PEX14: variants seen among roughly 807,000 people sequenced by gnomAD.
PEX14 encodes peroxisomal membrane protein PEX14.
A neutral mutation model predicts 49.5 loss-of-function variants in PEX14; 15 were observed. The ratio of observed to expected loss-of-function variants is 0.30; its 90% CI spans 0.20 to 0.47. PEX14 has a LOEUF of 0.47. Ranked by LOEUF, PEX14 falls within the 20% of genes least tolerant of loss-of-function variation. The probability of loss-of-function intolerance (pLI) is 1.00; values close to 1 mark genes in which losing one functional copy is unlikely to be tolerated. For synonymous variants in PEX14, 210 were observed against 212.7 expected (o/e 0.99, Z 0.11); for missense variants, 398 against 494.8 (o/e 0.80, Z 1.86).
intron 4 of PEX14, among the ~76,000 whole-genome samples, chr1:10,603,937 T>C (rs1436888025): frequency 2.0e-5 from 3 of 152,336 alleles, no homozygotes; most frequent in Middle Eastern, 3.4e-3. Flanking sequence ...ACCATTTGAT[T>C]AGAAATCCTG....
intron 3 of PEX14, among the ~76,000 whole-genome samples, chr1:10,556,103 C>T (rs758050992): frequency 2.6e-5 from 4 of 152,112 alleles, no homozygotes; most frequent in Non-Finnish European, 4.4e-5. Context: ...CTGCAGGCAC[C>T]GTCTGCCAGT....
At chr1:10,517,735 C>G (rs1641996709) in intron 2 of PEX14, among the ~76,000 whole-genome samples, 1 of 147,620 alleles carries the variant, frequency 6.8e-6, no homozygotes, top group South Asian at 2.1e-4. Context: ...GACCGAGAGG[C>G]TAGCATTGTC....
intron 1 of PEX14, among the ~76,000 whole-genome samples, chr1:10,489,574 GCTT>G (rs1480953392): frequency 1.3e-5 from 2 of 152,216 alleles, no homozygotes; most frequent in Non-Finnish European, 2.9e-5. Flanking sequence ...TCAGCTCCTA[GCTT>G]CTTCTTCACT....
intron 3 of PEX14, among the ~76,000 whole-genome samples, chr1:10,554,526 T>G (rs1032285848): frequency 9.9e-5 from 15 of 152,152 alleles, no homozygotes; most frequent in African/African-American, 3.6e-4. Flanking sequence ...CTTCTGCTCC[T>G]CTGCCGGTTC....
Position 10,629,502 on chromosome 1 carries a change from C to G in PEX14, c.678-29C>G. 6.5e-7 allele frequency: 1 copy of G among 1,545,278 alleles called. No homozygotes were observed. Among genetic ancestry groups the G allele is most frequent in the Non-Finnish European group, 8.9e-7 (1 of 1,119,948 alleles). On this transcript the variant is annotated intron_variant, in intron 8 of 8. Transcript: ENST00000356607. This position sits in a 1 kb window ranked among gnomAD's most constrained non-coding sequence, Gnocchi z 8.5. Reference sequence around the variant, plus strand: ...AAGGGGGGCGTCCTGAATGCCGCCACCAACCTCCTCCCCTTCTTCTCCCTC... The same window carrying G: ...AAGGGGGGCGTCCTGAATGCCGCCAGCAACCTCCTCCCCTTCTTCTCCCTC...
At chr1:10,612,920 A>G (rs1027361523) in intron 4 of PEX14, among the ~76,000 whole-genome samples, 8 of 152,192 alleles carry the variant, frequency 5.3e-5, no homozygotes, top group Non-Finnish European at 1.2e-4. Flanking sequence ...GGCGACCTCA[A>G]TGGGCTGGCC....
At chr1:10,569,875 C>T (rs7551790) in intron 3 of PEX14, among the ~76,000 whole-genome samples, 7,197 of 152,050 alleles carry the variant, frequency 0.047, 383 homozygotes, top group African/African-American at 0.12. Context: ...AAAGCTTTAC[C>T]GCTTGTCTTT....
intron 7 of PEX14, among the ~76,000 whole-genome samples, 158 bp from the exon 8 acceptor site, chr1:10,627,114 C>T (rs544410915): frequency 8.9e-4 from 136 of 152,336 alleles, no homozygotes; most frequent in Non-Finnish European, 1.6e-3. Context: ...CATCCAGAGA[C>T]GTGGCAGGCA....
intron 2 of PEX14, among the ~76,000 whole-genome samples, chr1:10,528,871 C>T (rs144746525): frequency 6.9e-4 from 105 of 152,266 alleles, no homozygotes; most frequent in African/African-American, 2.3e-3. Context: ...GCAGCCAGCT[C>T]GTTTGCCTTC....
chr1:10,594,121 T>C lies in PEX14; in HGVS notation c.170-5117T>C, dbSNP rs564750311. Among the ~76,000 whole-genome samples the C allele has an allele frequency of 2.5e-3, 379 of 152,326 alleles. 1 individual carries two copies. Among genetic ancestry groups the C allele is most frequent in the African/African-American group, 8.6e-3 (357 of 41,574 alleles). On this transcript the variant is annotated intron_variant, in intron 3 of 8. Transcript: ENST00000356607. ...GGGTCTCCAGGTCATCCTACGACTT[T>C]TAGAGGCTCTGAGAGTCCTTATTGT...
chr1:10,506,313 G>T (rs1389102558), intron 2 of PEX14, among the ~76,000 whole-genome samples: 1 of 152,066 alleles, frequency 6.6e-6, no homozygotes, highest in Admixed American at 6.5e-5. Flanking sequence ...TTTCGCTCTT[G>T]TTGCTGCCCA....
intron 3 of PEX14, among the ~76,000 whole-genome samples, chr1:10,537,072 C>A (rs537416779): frequency 3.3e-5 from 5 of 152,252 alleles, no homozygotes; most frequent in African/African-American, 1.2e-4. Flanking sequence ...CCTTGAAATT[C>A]TGAGTTTTGA....
intron 2 of PEX14, among the ~76,000 whole-genome samples, chr1:10,505,619 C>A (rs1641768399): frequency 1.3e-5 from 2 of 151,898 alleles, no homozygotes; most frequent in African/African-American, 2.4e-5. Flanking sequence ...CTCAAGTGAA[C>A]CTTCTCTTTA....
intron 4 of PEX14, among the ~76,000 whole-genome samples, chr1:10,606,519 G>T (rs941467114): frequency 3.4e-5 from 5 of 147,024 alleles, no homozygotes; most frequent in Admixed American, 6.7e-5. Context: ...ATAAATACTG[G>T]GTTTAGGATA....
rs1438903492 is a variant in PEX14 at position 10,529,926 on chromosome 1, C to T, written c.85-6287C>T. 6.6e-6 allele frequency among the ~76,000 whole-genome samples: 1 copy of T among 152,162 alleles called. No individual in the cohort carries two copies. The highest frequency in any genetic ancestry group is 2.4e-5 in the African/African-American group (1 of 41,432). ...CAATGGGAAGGACACAGTGACAAAA[C>T]CCAGGAAATTCCAAGTCGAAAGAGA... On this transcript the variant is annotated intron_variant, in intron 2 of 8. Transcript: ENST00000356607. This position sits in a 1 kb window ranked among gnomAD's most constrained non-coding sequence, Gnocchi z 4.2.
In PEX14 at chr1:10,604,496, G is replaced by A. The variant is rs1404453245; in HGVS notation, c.298+5130G>A. On this transcript the variant is annotated intron_variant, in intron 4 of 8. Transcript: ENST00000356607. ...CAAAACTAGCCAGGCATGGTGGTGC[G>A]TGTACTTGGGAGGCTGAGGTGGGAG... Among the ~76,000 whole-genome samples, 5 of 152,202 alleles carry A rather than the reference G, an allele frequency of 3.3e-5. No individual in the cohort carries two copies. In the East Asian group the frequency reaches 9.7e-4, roughly 29 times the overall value.
intron 1 of PEX14, among the ~76,000 whole-genome samples, chr1:10,491,484 G>C (rs1641471396): frequency 6.6e-6 from 1 of 150,732 alleles, no homozygotes; most frequent in East Asian, 1.9e-4. Context: ...GGGATCAAGC[G>C]AGCCTCCTGA....
intron 3 of PEX14, among the ~76,000 whole-genome samples, chr1:10,550,890 A>C (rs1639315718): frequency 6.6e-6 from 1 of 152,168 alleles, no homozygotes; most frequent in Non-Finnish European, 1.5e-5. Context: ...ACATTTCAGT[A>C]ATTATTTTGC....
At chr1:10,524,679 T>C (rs949335726) in intron 2 of PEX14, among the ~76,000 whole-genome samples, 3 of 34,036 alleles carry the variant, frequency 8.8e-5, no homozygotes, top group African/African-American at 1.3e-4. Flanking sequence ...TGGAATCATT[T>C]GATTGATTGA....
Sources: gnomAD v4.1 joint callset for allele counts (sites outside exome capture counted in the v4.1 genomes callset) on GRCh38, gnomAD v4.1.1 for gene constraint, Gnocchi (gnomAD v3.1) non-coding constraint, MANE v1.5 for transcripts, NCBI Gene and HGNC (gene_info 2026-07-23, HGNC 2026-07-21) for gene names.